Variants in ADGRL2 observed in about 807,000 individuals in gnomAD.
The protein encoded by ADGRL2 is adhesion G protein-coupled receptor L2, also known as calcium-independent alpha-latrotoxin receptor 2.
A neutral mutation model predicts 157.4 loss-of-function variants in ADGRL2; 44 were observed. That is an observed-to-expected ratio of 0.28 (90% CI 0.22 to 0.36). The LOEUF (loss-of-function observed/expected upper bound fraction) is 0.36, where lower values mean the gene tolerates loss of function less well. Ranked by LOEUF, ADGRL2 falls within the 10% of genes least tolerant of loss-of-function variation. The pLI is 1.00. For missense variants in ADGRL2, 1,510 were observed against 1,768.9 expected (o/e 0.85, Z 2.63); for synonymous variants, 585 against 624.7 (o/e 0.94, Z 0.95).
intron 1 of ADGRL2, among the ~76,000 whole-genome samples, chr1:81,340,721 G>A (rs539941882): frequency 4.6e-5 from 7 of 152,224 alleles, no homozygotes; most frequent in South Asian, 4.1e-4. Flanking sequence ...GGTTTTCTCA[G>A]TGGTGTTTTA....
intron 2 of ADGRL2, among the ~76,000 whole-genome samples, chr1:81,448,145 T>G (rs1253411002): frequency 7.5e-6 from 1 of 133,780 alleles, no homozygotes; most frequent in Non-Finnish European, 1.6e-5. Context: ...TTCTTTTTTT[T>G]TTTTTTTTTT....
intron 3 of ADGRL2, among the ~76,000 whole-genome samples, chr1:81,910,189 A>G (rs2094683228): frequency 6.6e-6 from 1 of 151,652 alleles, no homozygotes; most frequent in African/African-American, 2.4e-5. Flanking sequence ...GCAGTGGCCA[A>G]GATCACGCCA....
At chr1:81,374,887 A>G (rs1313275180) in intron 1 of ADGRL2, among the ~76,000 whole-genome samples, 1 of 152,196 alleles carries the variant, frequency 6.6e-6, no homozygotes, top group Admixed American at 6.5e-5. Context: ...GCAAGACAGT[A>G]CTGAAGACAC....
At chr1:81,500,848 TAA>T (rs2078830580) in intron 2 of ADGRL2, among the ~76,000 whole-genome samples, 1 of 152,186 alleles carries the variant, frequency 6.6e-6, no homozygotes, top group African/African-American at 2.4e-5. Context: ...TTTCCCAAAA[TAA>T]AAAAGATAAA....
At chr1:81,809,203 G>T (rs1274966534) in intron 1 of ADGRL2, among the ~76,000 whole-genome samples, 1 of 151,948 alleles carries the variant, frequency 6.6e-6, no homozygotes, top group Non-Finnish European at 1.5e-5. Flanking sequence ...TTGAATTTCA[G>T]TGTTGAAATT....
chr1:81,696,811 A>C (rs1215929825), upstream of ADGRL2, among the ~76,000 whole-genome samples: 2 of 152,152 alleles, frequency 1.3e-5, no homozygotes, highest in Non-Finnish European at 2.9e-5. Flanking sequence ...ACTCGATTTT[A>C]CCAGAAAGGA....
At position 81,968,178 on chromosome 1, in the gene ADGRL2, C is replaced by T; in HGVS notation, c.2502C>T (p.Leu834=). The part of the protein sequence containing the change: ...ACSHLTNFAI[L]MAHREIAYKD... The stretch of plus-strand genomic sequence containing the variant: ...GCCACCTAACCAATTTTGCAATTCT[C>T]ATGGCCCACAGGGAAATTGCAGTAA... The change falls in exon 14 of 24, where the codon CTC becomes CTT. Residue 834 remains leucine, a synonymous_variant. Transcript: ENST00000686636. 1.2e-6 allele frequency: 2 copies of T among 1,611,968 alleles called. No individual in the cohort carries two copies. Among genetic ancestry groups the T allele is most frequent in the Non-Finnish European group, 1.7e-6 (2 of 1,179,514 alleles).
rs925184536 is a variant in ADGRL2, at chr1:81,843,851, AT to A, written c.73+6803del. Among the ~76,000 whole-genome samples the A allele has an allele frequency of 1.3e-4, 19 of 151,488 alleles. No homozygotes were observed. In the South Asian group the frequency reaches 1.5e-3, roughly 12 times the overall value. On this transcript the variant is annotated intron_variant, in intron 2 of 23. Coordinates refer to ENST00000686636, the MANE Select transcript of ADGRL2 (RefSeq NM_001366006.2). ...ATAAAGTTCAAGTGCTTGATTGTCG[AT>A]TTTTTTTTCTTCCCACTTTTCCTCA...
At chr1:81,851,697 C>CT in intron 2 of ADGRL2, among the ~76,000 whole-genome samples, 1 of 148,996 alleles carries the variant, frequency 6.7e-6, no homozygotes, top group Non-Finnish European at 1.5e-5. Flanking sequence ...AAATTCGTAG[C>CT]TTTTTTGGGG....
chr1:81,467,714 G>A (rs1355724235), intron 2 of ADGRL2, among the ~76,000 whole-genome samples: 1 of 152,164 alleles, frequency 6.6e-6, no homozygotes, highest in East Asian at 1.9e-4. Flanking sequence ...GGAGTGATTA[G>A]CACTTTTCAC....
intron 3 of ADGRL2, among the ~76,000 whole-genome samples, chr1:81,589,698 T>G (rs2081095230): frequency 6.6e-6 from 1 of 152,080 alleles, no homozygotes; most frequent in African/African-American, 2.4e-5. Context: ...TAGTATTTAT[T>G]TATTTATTGC....
At chr1:81,439,621 G>A (rs1324581250) in intron 1 of ADGRL2, among the ~76,000 whole-genome samples, 1 of 152,250 alleles carries the variant, frequency 6.6e-6, no homozygotes, top group Non-Finnish European at 1.5e-5. Flanking sequence ...GCCAGGCCAG[G>A]TGTGTCGCCT....
chr1:81,747,700 T>A, intron 1 of ADGRL2, among the ~76,000 whole-genome samples: 1 of 94,848 alleles, frequency 1.1e-5, no homozygotes, highest in Admixed American at 1.1e-4. Flanking sequence ...TCCTTTAATG[T>A]TTGTGTGTGT....
intron 2 of ADGRL2, among the ~76,000 whole-genome samples, chr1:81,877,974 G>T (rs1228371347): frequency 1.3e-5 from 2 of 151,988 alleles, no homozygotes; most frequent in Non-Finnish European, 2.9e-5. Flanking sequence ...TTAAAAACTG[G>T]CTGGCAATGT....
intron 1 of ADGRL2, among the ~76,000 whole-genome samples, chr1:81,760,277 A>C (rs1300448534): frequency 6.6e-6 from 1 of 152,120 alleles, no homozygotes; most frequent in African/African-American, 2.4e-5. Context: ...ATCTGATTAA[A>C]GTGTGCATAG....
intron 1 of ADGRL2, among the ~76,000 whole-genome samples, chr1:81,424,606 T>A (rs1278623599): frequency 3.3e-5 from 5 of 152,230 alleles, no homozygotes; most frequent in African/African-American, 1.2e-4. Context: ...TGAACATTTT[T>A]ATTTCAAATA....
intron 1 of ADGRL2, among the ~76,000 whole-genome samples, chr1:81,316,184 A>T (rs1660098161): frequency 6.6e-6 from 1 of 152,146 alleles, no homozygotes; most frequent in African/African-American, 2.4e-5. Context: ...CACCTTTTTA[A>T]AGTACATTGT....
chr1:81,495,215 C>T (rs1012203470), intron 2 of ADGRL2, among the ~76,000 whole-genome samples: 2 of 152,084 alleles, frequency 1.3e-5, no homozygotes, highest in Admixed American at 6.5e-5. Flanking sequence ...AGGGAGCTTA[C>T]GTAAAAATTC....
intron 3 of ADGRL2, among the ~76,000 whole-genome samples, chr1:81,596,680 C>CTT (rs112481314): frequency 2.0e-5 from 3 of 146,582 alleles, no homozygotes; most frequent in African/African-American, 7.5e-5. Context: ...CTAGATTTTA[C>CTT]TTTTTTTTTT....
Sources: gnomAD v4.1 joint callset for allele counts (sites outside exome capture counted in the v4.1 genomes callset) on GRCh38, gnomAD v4.1.1 for gene constraint, MANE v1.5 for transcripts, NCBI Gene and HGNC (gene_info 2026-07-23, HGNC 2026-07-21) for gene names.